Variants in SMG6 observed in about 807,000 individuals in gnomAD.
SMG6 encodes telomerase-binding protein EST1A.
SMG6 carries 66 observed loss-of-function variants against 142.2 expected under a neutral mutation model. The ratio of observed to expected loss-of-function variants is 0.46; its 90% CI spans 0.38 to 0.57. The LOEUF is 0.57. SMG6 is among the 20% of genes least tolerant of loss of function. SMG6 has a pLI of 0.00. For synonymous variants in SMG6, 779 were observed against 702.4 expected, an observed-to-expected ratio of 1.11 and a Z score of -1.72; for missense variants, 1,793 against 1,832.0, an observed-to-expected ratio of 0.98 and a Z score of 0.39.
At chr17:2,254,230 C>T (rs1416852771) in intron 8 of SMG6, among the ~76,000 whole-genome samples, 7 of 152,224 alleles carry the variant, frequency 4.6e-5, no homozygotes, top group Admixed American at 4.6e-4. Flanking sequence ...TGTGTCTGCA[C>T]TCCAGGAAGT....
At chr17:2,126,146 G>A (rs1291073714) in intron 13 of SMG6, among the ~76,000 whole-genome samples, 1 of 151,970 alleles carries the variant, frequency 6.6e-6, no homozygotes, top group African/African-American at 2.4e-5. Context: ...CACAAATACA[G>A]GGTCAACTGA....
intron 13 of SMG6, among the ~76,000 whole-genome samples, chr17:2,116,365 C>T (rs987838524): frequency 5.8e-4 from 88 of 152,232 alleles, no homozygotes; most frequent in African/African-American, 2.0e-3. Context: ...AGGCATGAGC[C>T]ACTGTACCTG....
intron 13 of SMG6, among the ~76,000 whole-genome samples, chr17:2,125,634 A>G (rs2760750): frequency 0.19 from 28,403 of 152,224 alleles, 2,719 homozygotes; most frequent in South Asian, 0.26. Flanking sequence ...CATTTTCCAC[A>G]GATCCATAAA....
At chr17:2,106,740 G>C (rs1319404566) in intron 13 of SMG6, among the ~76,000 whole-genome samples, 1 of 152,054 alleles carries the variant, frequency 6.6e-6, no homozygotes, top group Non-Finnish European at 1.5e-5. Flanking sequence ...CAAAGCTGAT[G>C]ACAAGGCAGA....
At chr17:2,164,298 T>C (rs577756510) in intron 13 of SMG6, among the ~76,000 whole-genome samples, 64 of 151,314 alleles carry the variant, frequency 4.2e-4, no homozygotes, top group African/African-American at 1.6e-3. Flanking sequence ...TGGCAGGTGC[T>C]TGTAGTCCCA....
chr17:2,161,682 A>G (rs1284489092), intron 13 of SMG6, among the ~76,000 whole-genome samples: 1 of 151,802 alleles, frequency 6.6e-6, no homozygotes, highest in African/African-American at 2.4e-5. Flanking sequence ...TACATTTAGT[A>G]CCACTCAGAG....
chr17:2,257,460 G>A (rs2074210146), intron 8 of SMG6, among the ~76,000 whole-genome samples: 1 of 152,128 alleles, frequency 6.6e-6, no homozygotes. Flanking sequence ...GGTATTTAAA[G>A]GAAAAGGTAT....
At chr17:2,244,511 A>T (rs2073886428) in intron 9 of SMG6, 147 bp downstream of exon 9, 3 of 635,274 alleles carry the variant, frequency 4.7e-6, no homozygotes, top group Non-Finnish European at 8.5e-6. Flanking sequence ...GTAGGACAGA[A>T]GATGAAGGGA....
At chr17:2,127,575 G>A (rs748072024) in intron 13 of SMG6, 2 of 587,820 alleles carry the variant, frequency 3.4e-6, no homozygotes, top group Non-Finnish European at 6.7e-6. Context: ...TCTGGGTGAC[G>A]GCCCAATCTT....
At chr17:2,248,281 T>A (rs1270842846) in intron 8 of SMG6, among the ~76,000 whole-genome samples, 1 of 152,096 alleles carries the variant, frequency 6.6e-6, no homozygotes, top group Non-Finnish European at 1.5e-5. Flanking sequence ...CCTACACCTA[T>A]CTCGGGGAAA....
intron 15 of SMG6, among the ~76,000 whole-genome samples, chr17:2,070,860 G>A (rs1597331890): frequency 6.6e-6 from 1 of 152,230 alleles, no homozygotes; most frequent in Non-Finnish European, 1.5e-5. Context: ...GAGGGTGACA[G>A]GCATTCCAAC....
At chr17:2,118,341 C>A (rs1297469238) in intron 13 of SMG6, among the ~76,000 whole-genome samples, 10 of 152,128 alleles carry the variant, frequency 6.6e-5, no homozygotes. Context: ...AGTTAAGAGA[C>A]CAGCCTGGCC....
intron 11 of SMG6, 91 bp downstream of exon 11, chr17:2,188,308 G>A (rs2072052548): frequency 9.8e-7 from 1 of 1,018,038 alleles, no homozygotes; most frequent in Admixed American, 2.0e-5. Context: ...ACTACAGGGA[G>A]AAGACACCGA....
At chr17:2,230,337 G>T (rs569436) in intron 10 of SMG6, among the ~76,000 whole-genome samples, 2 of 26,532 alleles carry the variant, frequency 7.5e-5, no homozygotes, top group Non-Finnish European at 1.4e-4. Context: ...AAAAAAAAAA[G>T]GGAAAACCAC....
intron 12 of SMG6, among the ~76,000 whole-genome samples, chr17:2,183,653 T>C (rs2071874415): frequency 1.3e-5 from 2 of 152,158 alleles, no homozygotes; most frequent in Admixed American, 1.3e-4. Flanking sequence ...CATGAAATAG[T>C]ACTCGTTTGA....
intron 9 of SMG6, among the ~76,000 whole-genome samples, chr17:2,242,100 T>A (rs999927015): frequency 6.6e-6 from 1 of 151,596 alleles, no homozygotes; most frequent in African/African-American, 2.4e-5. Context: ...GGTTGGGAAA[T>A]CCTGACTTAG....
At chr17:2,140,281 T>C (rs1184117634) in intron 13 of SMG6, among the ~76,000 whole-genome samples, 1 of 152,144 alleles carries the variant, frequency 6.6e-6, no homozygotes, top group African/African-American at 2.4e-5. Context: ...TAAGCTGGTC[T>C]CCTGATATCA....
chr17:2,146,554 T>C (rs2070674333), intron 13 of SMG6, among the ~76,000 whole-genome samples: 1 of 152,216 alleles, frequency 6.6e-6, no homozygotes, highest in Non-Finnish European at 1.5e-5. Flanking sequence ...TAATGTCTTT[T>C]CTTTTTTTGA....
chr17:2,302,741 T>C (rs1304469386), intron 1 of SMG6, among the ~76,000 whole-genome samples: 1 of 151,518 alleles, frequency 6.6e-6, no homozygotes, highest in African/African-American at 2.4e-5. Context: ...GGTAGGTTCA[T>C]GAAGTATCCA....
Sources: allele counts gnomAD v4.1 joint callset (sites outside exome capture counted in the v4.1 genomes callset), GRCh38; gene constraint gnomAD v4.1.1; transcripts MANE v1.5; gene names NCBI Gene and HGNC (gene_info 2026-07-23, HGNC 2026-07-21).